The following DNAJC13 variants were observed in gnomAD, a reference collection of about 807,000 sequenced individuals.
DNAJC13 encodes the protein dnaJ homolog subfamily C member 13.
DNAJC13 carries 75 observed loss-of-function variants against 290.5 expected under a neutral mutation model. That is an observed-to-expected ratio of 0.26 (90% CI 0.21 to 0.31). The LOEUF (loss-of-function observed/expected upper bound fraction) is 0.31, where lower values mean the gene tolerates loss of function less well. Ranked by LOEUF, DNAJC13 falls within the 10% of genes least tolerant of loss-of-function variation. The pLI, the probability that DNAJC13 is intolerant of heterozygous loss-of-function variation, is 1.00. For missense variants in DNAJC13, 2,260 were observed against 2,674.5 expected, an observed-to-expected ratio of 0.85 and a Z score of 3.42; for synonymous variants, 862 against 892.0, an observed-to-expected ratio of 0.97 and a Z score of 0.60.
chr3:132,518,414 G>A (rs1482044438), intron 48 of DNAJC13, among the ~76,000 whole-genome samples: 1 of 152,156 alleles, frequency 6.6e-6, no homozygotes, highest in African/African-American at 2.4e-5. Context: ...GTGCAGTGGT[G>A]CAATCTTAGC....
chr3:132,474,924 A>G lies in DNAJC13; in HGVS notation c.2292-8A>G, dbSNP rs775802168. ...ATCCTGCTATTTCCTCATTATATGT[A>G]TGTCTAGGTTTGGTCAAGACCATGC... On this transcript the variant is annotated splice_polypyrimidine_tract_variant and splice_region_variant and intron_variant, in intron 21 of 55. Transcript: ENST00000260818. The G allele has an allele frequency of 7.1e-7, 1 of 1,418,038 alleles. No homozygotes were observed. The highest frequency in any genetic ancestry group is 9.3e-7 in the Non-Finnish European group (1 of 1,070,762). The allele number at this position is 1,418,038 out of a possible 1,614,324, so 87.8% of individuals were successfully genotyped here.
chr3:132,470,268 A>T (rs1363501344), intron 20 of DNAJC13, among the ~76,000 whole-genome samples: 2 of 48,478 alleles, frequency 4.1e-5, no homozygotes, highest in Non-Finnish European at 7.6e-5. Context: ...CCCTGAGTGG[A>T]CACAGCACAT....
Position 132,496,593 on chromosome 3 carries a change from T to A in DNAJC13, c.4086T>A (p.Asp1362Glu). The A allele has an allele frequency of 6.2e-7, 1 of 1,611,758 alleles. No homozygotes were observed. Among genetic ancestry groups the A allele is most frequent in the Non-Finnish European group, 8.5e-7 (1 of 1,178,752 alleles). ...GTACCAAATCAGCAAAAATAGTGGA[T>A]GGGCCAGATCCAGAGAATATAATTT... ...FLCTKSAKIV[D>E]GPDPENIILI... is the part of the protein sequence containing the mutation. Residue 1362 changes from aspartate to glutamate, a missense_variant, in exon 36 of 56, where the codon GAT (aspartate) becomes GAA (glutamate). Physicochemically the swap from Asp to Glu is conservative, Grantham distance 45. Around this residue, in one of 3 missense-constraint regions of DNAJC13, gnomAD observed 1,494 missense variants for 1,693.7 expected, o/e 0.88. Transcript: ENST00000260818.
chr3:132,447,175 C>T, intron 3 of DNAJC13, 146 bp from the exon 4 acceptor site: 2 of 640,434 alleles, frequency 3.1e-6, no homozygotes, highest in Non-Finnish European at 4.6e-6. Context: ...GAATTTTTTA[C>T]AGAATTACTG....
intron 1 of DNAJC13, among the ~76,000 whole-genome samples, chr3:132,425,030 C>G (rs973744176): frequency 1.3e-5 from 2 of 152,070 alleles, no homozygotes; most frequent in Non-Finnish European, 2.9e-5. Context: ...AATGAACATT[C>G]TGTTAGCCAT....
Position 132,526,422 on chromosome 3 carries a change from A to G in DNAJC13, c.6381+141A>G, listed in dbSNP as rs184535130. ...TGAGTTTGTGTATAAACAATTTTAT[A>G]TTTTATATATACAAACACATACAGT... On this transcript the variant is annotated intron_variant, in intron 53 of 55. Transcript: ENST00000260818. The G allele has an allele frequency of 2.7e-5, 25 of 913,018 alleles. No individual in the cohort carries two copies. In the Admixed American group the frequency reaches 6.7e-4, roughly 25 times the overall value. The allele number at this position is 913,018 out of a possible 1,614,324, so 56.6% of individuals were successfully genotyped here.
rs1233185142 is a variant in DNAJC13 at position 132,454,539 on chromosome 3, C to T, written c.932+382C>T. On this transcript the variant is annotated intron_variant, in intron 9 of 55. Coordinates refer to ENST00000260818, the MANE Select transcript of DNAJC13 (RefSeq NM_015268.4). The stretch of plus-strand genomic sequence containing the variant: ...ATTTTTAGTAGAGATGGGGTTTCGC[C>T]GTCTTGGCCAGGCTGGTCTCGAACT... 2.0e-5 allele frequency among the ~76,000 whole-genome samples: 3 copies of T among 151,680 alleles called. No individual in the cohort carries two copies. In the South Asian group the frequency reaches 6.3e-4, roughly 32 times the overall value.
Position 132,462,642 on chromosome 3 carries a change from A to C in DNAJC13, c.1770+119A>C, listed in dbSNP as rs555866931. ...AATAAACATTTCTCTGGGTAAGAAA[A>C]GTAATTTTAAATCTTTATTATAAAT... On this transcript the variant is annotated intron_variant, in intron 16 of 55. Coordinates refer to ENST00000260818, the MANE Select transcript of DNAJC13 (RefSeq NM_015268.4). 4.6e-6 allele frequency: 3 copies of C among 648,070 alleles called. No individual in the cohort carries two copies. In the South Asian group the frequency reaches 7.5e-5, roughly 16 times the overall value. The allele number at this position is 648,070 out of a possible 1,614,324, so 40.1% of individuals were successfully genotyped here.
At chr3:132,506,853 T>C (rs1935610248) in intron 42 of DNAJC13, among the ~76,000 whole-genome samples, 1 of 152,072 alleles carries the variant, frequency 6.6e-6, no homozygotes, top group Non-Finnish European at 1.5e-5. Context: ...CCCGGCCTAG[T>C]GTATTACTTT....
rs755942850 is a variant in DNAJC13 at position 132,496,488 on chromosome 3, C to T, written c.4021-40C>T. 32 of 1,505,386 alleles carry T rather than the reference C, an allele frequency of 2.1e-5. No individual in the cohort carries two copies. In the East Asian group the frequency reaches 5.3e-4, roughly 25 times the overall value. The allele number at this position is 1,505,386 out of a possible 1,614,324, so 93.3% of individuals were successfully genotyped here. A position where few individuals can be genotyped will look rare whatever the true frequency, so the allele number is the denominator to read the frequency against. On this transcript the variant is annotated intron_variant, in intron 35 of 55. Transcript: ENST00000260818. ...GTCTTGTTTAAGTTGAATTTTGCGACATTCCAAATTAACGTTAAATTATCT... is the reference window on the plus strand; with the variant it reads ...GTCTTGTTTAAGTTGAATTTTGCGATATTCCAAATTAACGTTAAATTATCT...
intron 1 of DNAJC13, 63 bp from the exon 2 acceptor site, chr3:132,434,475 G>A (rs1322408504): frequency 5.1e-6 from 6 of 1,174,490 alleles, no homozygotes; most frequent in Non-Finnish European, 7.3e-6. Flanking sequence ...TTTCTTAGGG[G>A]AATCTTGGAA....
intron 38 of DNAJC13, among the ~76,000 whole-genome samples, chr3:132,500,373 T>C (rs1188575083): frequency 6.6e-6 from 1 of 152,260 alleles, no homozygotes; most frequent in African/African-American, 2.4e-5. Flanking sequence ...TATTCTGCTA[T>C]GTTAATAAAC....
Position 132,505,336 on chromosome 3 carries a change from C to G in DNAJC13, c.4919C>G (p.Pro1640Arg), listed in dbSNP as rs1193808620. 1 of 1,610,186 alleles carries G rather than the reference C, an allele frequency of 6.2e-7. No individual in the cohort carries two copies. The highest frequency in any genetic ancestry group is 2.2e-5 in the East Asian group (1 of 44,676). ...ATGCTTAACAGCAACACAGAAAGTC[C>G]ATATTTGATATGGAACAATTCTACA... ...LKMLNSNTES[P>R]YLIWNNSTRA... Residue 1640 changes from proline (P) to arginine (R), a missense_variant, in exon 42 of 56, where the codon CCA (proline) becomes CGA (arginine). Pro to Arg is a moderately radical substitution (Grantham distance 103). This residue lies in a region of DNAJC13 where 1,494 missense variants were observed against 1,693.7 expected (regional missense o/e 0.88). Transcript: ENST00000260818.
At chr3:132,469,171 T>C (rs941457923) in intron 20 of DNAJC13, among the ~76,000 whole-genome samples, 3 of 152,230 alleles carry the variant, frequency 2.0e-5, no homozygotes, top group Non-Finnish European at 2.9e-5. Context: ...GTGGGTACTA[T>C]TTTTAACAGT....
intron 35 of DNAJC13, 136 bp from the exon 36 acceptor site, chr3:132,496,392 C>A: frequency 1.3e-6 from 1 of 784,584 alleles, no homozygotes. Context: ...AGCTAGATTA[C>A]AGTTGGAATG....
Position 132,477,836 on chromosome 3 carries a change from C to T in DNAJC13, c.2493C>T (p.Tyr831=). 6.2e-7 allele frequency: 1 copy of T among 1,613,258 alleles called. No homozygotes were observed. Residue 831 remains tyrosine (Y), a synonymous_variant, in exon 23 of 56, where the codon TAC becomes TAT. Transcript: ENST00000260818. ...LAEEIKIGDY[Y]LRLLLEEDEN... is the part of the protein sequence containing the mutation. ...AGGAAATTAAAATAGGAGACTATTA[C>T]CTGAGATTACTATTGGAGGAAGATG...
intron 29 of DNAJC13, among the ~76,000 whole-genome samples, chr3:132,485,635 A>G (rs1018449200): frequency 2.6e-5 from 4 of 152,218 alleles, no homozygotes; most frequent in African/African-American, 7.2e-5. Context: ...TGGGAGGTAC[A>G]CCAGCAGGCC....
At chr3:132,463,056 A>G (rs560581656) in intron 16 of DNAJC13, among the ~76,000 whole-genome samples, 82 of 152,318 alleles carry the variant, frequency 5.4e-4, no homozygotes, top group African/African-American at 1.9e-3. Flanking sequence ...TGTCTGTTGC[A>G]TACTATGATG....
At chr3:132,438,737 A>G (rs1292794698) in intron 2 of DNAJC13, among the ~76,000 whole-genome samples, 4 of 152,228 alleles carry the variant, frequency 2.6e-5, no homozygotes, top group Non-Finnish European at 4.4e-5. Flanking sequence ...CTCACTTTAT[A>G]GCTGCTGAAT....
Sources: gnomAD v4.1 joint callset for allele counts (sites outside exome capture counted in the v4.1 genomes callset) on GRCh38, gnomAD v4.1.1 for gene constraint, gnomAD v4.1.1 regional missense constraint, MANE v1.5 for transcripts, NCBI Gene and HGNC (gene_info 2026-07-23, HGNC 2026-07-21) for gene names.